VIPR2: variants seen among roughly 807,000 people sequenced by gnomAD.
VIPR2 encodes the protein vasoactive intestinal peptide receptor 2, also known as vasoactive intestinal polypeptide receptor 2.
In VIPR2, 48 loss-of-function variants were observed where a neutral mutation model predicts 58.0. The observed-to-expected ratio is 0.83, with a 90% CI of 0.66 to 1.05. VIPR2 has a LOEUF of 1.05. Among genes scored for constraint, VIPR2 ranks in the 50% least tolerant of loss-of-function variants. The probability of loss-of-function intolerance (pLI) is 0.00; values close to 1 mark genes in which losing one functional copy is unlikely to be tolerated. For missense variants in VIPR2, 534 were observed against 558.0 expected (o/e 0.96, Z 0.43); for synonymous variants, 243 against 235.2 (o/e 1.03, Z -0.30).
rs1448263418 is a variant in VIPR2 at position 159,034,614 on chromosome 7, C to A, written c.846G>T (p.Trp282Cys). The change falls in exon 9 of 13, where the codon TGG becomes TGT. Residue 282 changes from tryptophan to cysteine, a missense_variant. By Grantham distance (215) the Trp-to-Cys change is radical. Around this residue, in one of 3 missense-constraint regions of VIPR2, gnomAD observed 306 missense variants for 285.8 expected, o/e 1.07. Coordinates refer to ENST00000262178, the MANE Select transcript of VIPR2 (RefSeq NM_003382.5). ...WDTNDHSVPW[W>C]VIRIPILISI... ...AAATTAAAATCGGTATTCGTATGAC[C>A]CACCAGGGCACACTGTGGTCGTTTG... The A allele has an allele frequency of 6.2e-7, 1 of 1,613,994 alleles. No individual in the cohort carries two copies. The highest frequency in any genetic ancestry group is 2.2e-5 in the East Asian group (1 of 44,868).
At chr7:159,132,845 G>A (rs1365248621) in intron 2 of VIPR2, among the ~76,000 whole-genome samples, 1 of 121,908 alleles carries the variant, frequency 8.2e-6, no homozygotes, top group African/African-American at 2.9e-5. Flanking sequence ...CAGAATGATT[G>A]GCATACCGAT....
chr7:159,089,729 T>C, intron 4 of VIPR2, among the ~76,000 whole-genome samples: 1 of 152,134 alleles, frequency 6.6e-6, no homozygotes, highest in East Asian at 1.9e-4. Context: ...CAAAAACCTG[T>C]CCCAATGTCA....
chr7:159,069,052 CGTTCTG>C (rs1856248386), intron 4 of VIPR2, among the ~76,000 whole-genome samples: 3 of 152,286 alleles, frequency 2.0e-5, no homozygotes, highest in Non-Finnish European at 4.4e-5. Flanking sequence ...CCGCGTGAAC[CGTTCTG>C]GTTCTGGTAC....
chr7:159,061,456 G>A (rs1202346659), intron 4 of VIPR2, among the ~76,000 whole-genome samples: 9 of 151,392 alleles, frequency 5.9e-5, no homozygotes, highest in African/African-American at 2.2e-4. Context: ...AGACCAGCCT[G>A]GGCAACAGAG....
chr7:159,057,190 T>G (rs1855374024), intron 5 of VIPR2, among the ~76,000 whole-genome samples: 2 of 152,224 alleles, frequency 1.3e-5, no homozygotes, highest in Non-Finnish European at 2.9e-5. Flanking sequence ...CTTACTTCCT[T>G]AAAGTTTTCC....
chr7:159,062,270 G>T (rs377228990), intron 4 of VIPR2, among the ~76,000 whole-genome samples: 12 of 152,200 alleles, frequency 7.9e-5, no homozygotes, highest in African/African-American at 2.9e-4. Flanking sequence ...CGCCAGCCTC[G>T]GGCTCGGGTC....
At chr7:159,088,329 A>C in intron 4 of VIPR2, among the ~76,000 whole-genome samples, 1 of 151,108 alleles carries the variant, frequency 6.6e-6, no homozygotes, top group Non-Finnish European at 1.5e-5. Flanking sequence ...GTACACCACA[A>C]TCATGCTGCA....
chr7:159,083,594 G>C (rs144715401), intron 4 of VIPR2, among the ~76,000 whole-genome samples: 1 of 152,200 alleles, frequency 6.6e-6, no homozygotes, highest in East Asian at 1.9e-4. Context: ...AGGGCAGCCA[G>C]TACCCACTAG....
intron 5 of VIPR2, 105 bp downstream of exon 5, chr7:159,058,376 G>A (rs1260631683): frequency 5.8e-6 from 5 of 861,152 alleles, no homozygotes; most frequent in Non-Finnish European, 9.6e-6. Context: ...GAGTCTTATT[G>A]GCTTAGCACA....
At chr7:159,124,070 C>G (rs76628582) in intron 2 of VIPR2, among the ~76,000 whole-genome samples, 1,679 of 152,282 alleles carry the variant, frequency 0.011, 32 homozygotes, top group African/African-American at 0.038. Context: ...TGCATAGTTG[C>G]AAATGTTTTC....
chr7:159,134,803 G>A (rs1399873657), intron 2 of VIPR2, among the ~76,000 whole-genome samples: 21 of 151,672 alleles, frequency 1.4e-4, no homozygotes, highest in African/African-American at 4.1e-4. Flanking sequence ...GACTAGAGGC[G>A]CCCGCCACCA....
intron 6 of VIPR2, among the ~76,000 whole-genome samples, chr7:159,039,848 G>T (rs1375053558): frequency 1.3e-5 from 2 of 152,202 alleles, no homozygotes; most frequent in African/African-American, 4.8e-5. Context: ...AAAGACGCAT[G>T]TCCGGTGATG....
intron 2 of VIPR2, among the ~76,000 whole-genome samples, chr7:159,123,016 C>T (rs572705664): frequency 1.2e-4 from 19 of 152,188 alleles, no homozygotes; most frequent in Admixed American, 3.3e-4. Context: ...CAGTGTCGGC[C>T]GGGCGCAGTA....
At position 159,127,874 on chromosome 7, in the gene VIPR2, C is replaced by T. The variant is rs1029247503; in HGVS notation, c.151+14572G>A. On this transcript the variant is annotated intron_variant, in intron 2 of 12. Transcript: ENST00000262178. This position sits in a 1 kb window ranked among gnomAD's most constrained non-coding sequence, Gnocchi z 4.6. ...GCAGGGGCTTAGGGCTGGGGCCACG[C>T]GAGGCCTTGGAGAGGGTGAACATTC... is the stretch of plus-strand genomic sequence containing the variant. 1.3e-5 allele frequency among the ~76,000 whole-genome samples: 2 copies of T among 152,258 alleles called. No homozygotes were observed. Among genetic ancestry groups the T allele is most frequent in the Middle Eastern group, 3.4e-3 (1 of 294 alleles).
At chr7:159,080,587 T>C (rs1490733189) in intron 4 of VIPR2, among the ~76,000 whole-genome samples, 1 of 152,208 alleles carries the variant, frequency 6.6e-6, no homozygotes, top group Non-Finnish European at 1.5e-5. Flanking sequence ...TCACCACTCC[T>C]ATTCAACATA....
chr7:159,132,447 G>A (rs1367323591), intron 2 of VIPR2, among the ~76,000 whole-genome samples: 2 of 150,794 alleles, frequency 1.3e-5, no homozygotes, highest in Non-Finnish European at 3.0e-5. Context: ...TGTTCTACAG[G>A]AACTGGCCTG....
At chr7:159,086,974 A>G (rs940246563) in intron 4 of VIPR2, among the ~76,000 whole-genome samples, 8 of 152,246 alleles carry the variant, frequency 5.3e-5, no homozygotes, top group Admixed American at 1.3e-4. Context: ...CCTCACGTGA[A>G]GAAAACCACA....
rs754886353 is a variant in VIPR2, at chr7:159,117,396, C to G, written c.152-7477G>C. ...CTCCGGCGTGAATGAGGATGAATCC[C>G]TTTGTATGGCCTGTGAACAGACAGG... On this transcript the variant is annotated intron_variant, in intron 2 of 12. Coordinates refer to ENST00000262178, the MANE Select transcript of VIPR2 (RefSeq NM_003382.5). 1.5e-4 allele frequency: 105 copies of G among 717,374 alleles called. No individual in the cohort carries two copies. In the South Asian group the frequency reaches 1.5e-3, roughly 10 times the overall value. 44.4% of individuals were successfully genotyped at this position (717,374 alleles called of 1,614,324 possible).
intron 5 of VIPR2, among the ~76,000 whole-genome samples, chr7:159,050,251 C>T (rs919513406): frequency 4.6e-5 from 7 of 151,444 alleles, no homozygotes; most frequent in African/African-American, 9.7e-5. Flanking sequence ...GCAGGAGGAT[C>T]GCTTGAACCC....
Sources: gnomAD v4.1 joint callset for allele counts (sites outside exome capture counted in the v4.1 genomes callset) on GRCh38, gnomAD v4.1.1 for gene constraint, gnomAD v4.1.1 regional missense constraint, Gnocchi (gnomAD v3.1) non-coding constraint, MANE v1.5 for transcripts, NCBI Gene and HGNC (gene_info 2026-07-23, HGNC 2026-07-21) for gene names.